RNF38: variants seen among roughly 807,000 people sequenced by gnomAD.
RNF38 encodes the protein ring finger protein 38, also known as E3 ubiquitin-protein ligase RNF38.
A neutral mutation model predicts 67.2 loss-of-function variants in RNF38; 15 were observed. The observed-to-expected ratio is 0.22, with a 90% CI of 0.15 to 0.34. The LOEUF is 0.34. Among genes scored for constraint, RNF38 ranks in the 10% least tolerant of loss-of-function variants. RNF38 has a pLI of 1.00. For synonymous variants in RNF38, 220 were observed against 218.8 expected, an observed-to-expected ratio of 1.01 and a Z score of -0.05; for missense variants, 524 against 639.9, an observed-to-expected ratio of 0.82 and a Z score of 1.95.
At chr9:36,434,070 T>C (rs997752314) in intron 1 of RNF38, among the ~76,000 whole-genome samples, 3 of 151,298 alleles carry the variant, frequency 2.0e-5, no homozygotes, top group Non-Finnish European at 4.4e-5. Context: ...ACCCCATCTC[T>C]ACTAAAAATA....
chr9:36,365,814 C>T (rs1459208954), intron 4 of RNF38, among the ~76,000 whole-genome samples: 2 of 151,420 alleles, frequency 1.3e-5, no homozygotes, highest in East Asian at 2.0e-4. Context: ...TACAGGTGCG[C>T]GCCACCATGC....
chr9:36,340,773 C>G (rs1250967924), intron 11 of RNF38, among the ~76,000 whole-genome samples: 1 of 152,214 alleles, frequency 6.6e-6, no homozygotes, highest in African/African-American at 2.4e-5. Context: ...GATAGCTCTA[C>G]TTACTCACCT....
chr9:36,453,011 T>TA (rs1839494834), intron 1 of RNF38, among the ~76,000 whole-genome samples: 2 of 152,154 alleles, frequency 1.3e-5, no homozygotes, highest in Admixed American at 1.3e-4. Context: ...TTACGTTGGG[T>TA]ATCTAGGAGT....
At chr9:36,437,025 A>G (rs1449925007) in intron 1 of RNF38, among the ~76,000 whole-genome samples, 1 of 152,102 alleles carries the variant, frequency 6.6e-6, no homozygotes, top group Non-Finnish European at 1.5e-5. Context: ...AGCTATTCCT[A>G]TGCAGATAAA....
chr9:36,416,518 C>T (rs2134216631), intron 2 of RNF38, among the ~76,000 whole-genome samples: 1 of 152,244 alleles, frequency 6.6e-6, no homozygotes, highest in South Asian at 2.1e-4. Context: ...AACTTCTGTG[C>T]CAGTATCTGC....
At chr9:36,476,838 C>T (rs902812092) in intron 1 of RNF38, among the ~76,000 whole-genome samples, 6 of 151,874 alleles carry the variant, frequency 4.0e-5, no homozygotes, top group African/African-American at 9.7e-5. Context: ...ATTATGCTGG[C>T]GGGTAAGAAT....
At chr9:36,474,879 C>T (rs942331985) in intron 1 of RNF38, among the ~76,000 whole-genome samples, 2 of 148,058 alleles carry the variant, frequency 1.4e-5, no homozygotes, top group Admixed American at 6.8e-5. Context: ...CGGTGCCTCA[C>T]GCCTGTAATC....
At chr9:36,362,361 G>T (rs989521618) in intron 4 of RNF38, among the ~76,000 whole-genome samples, 1 of 151,874 alleles carries the variant, frequency 6.6e-6, no homozygotes, top group Admixed American at 6.6e-5. Context: ...TCCGTCTCGG[G>T]GGAGGGGGGA....
intron 4 of RNF38, among the ~76,000 whole-genome samples, chr9:36,361,375 G>T (rs966545287): frequency 2.0e-5 from 3 of 150,618 alleles, no homozygotes; most frequent in African/African-American, 7.4e-5. Context: ...GTGTTAGCCA[G>T]GATGGTCTCG....
intron 1 of RNF38, among the ~76,000 whole-genome samples, chr9:36,398,891 A>G (rs188242275): frequency 1.1e-4 from 16 of 152,338 alleles, no homozygotes; most frequent in African/African-American, 3.8e-4. Context: ...CAAGTACCTA[A>G]TCATTTCAGA....
chr9:36,486,759 C>G (rs1840422884), intron 1 of RNF38, among the ~76,000 whole-genome samples: 1 of 152,118 alleles, frequency 6.6e-6, no homozygotes, highest in Non-Finnish European at 1.5e-5. Context: ...AGGGCACCAC[C>G]AAGCTCCCAA....
chr9:36,413,282 T>G lies in RNF38; in HGVS notation n.312+11331A>C, dbSNP rs148579127. ...ATCTCCCCACAACTCTCTCTTTCCC[T>G]CTATCACCATGTGATATCGCCTCCT... is the stretch of plus-strand genomic sequence containing the variant. On this transcript the variant is annotated intron_variant and non_coding_transcript_variant, in intron 2 of 3. Coordinates refer to the RNF38 transcript ENST00000488058. Among the ~76,000 whole-genome samples the G allele has an allele frequency of 2.7e-3, 414 of 151,516 alleles. 2 individuals are homozygous for G. Among genetic ancestry groups the G allele is most frequent in the African/African-American group, 8.8e-3 (362 of 41,336 alleles).
intron 1 of RNF38, among the ~76,000 whole-genome samples, chr9:36,469,837 G>A (rs1277756943): frequency 1.3e-5 from 2 of 152,066 alleles, no homozygotes; most frequent in African/African-American, 4.8e-5. Context: ...AATTAGCCGG[G>A]AGTAGTGGCA....
At chr9:36,448,681 A>G (rs1839363707) in intron 1 of RNF38, among the ~76,000 whole-genome samples, 1 of 152,068 alleles carries the variant, frequency 6.6e-6, no homozygotes, top group Non-Finnish European at 1.5e-5. Flanking sequence ...ACCCCCAGAT[A>G]AGTTCTAAAT....
Position 36,437,049 on chromosome 9 carries a change from A to G in RNF38, n.242-12366T>C, listed in dbSNP as rs916459019. On this transcript the variant is annotated intron_variant and non_coding_transcript_variant, in intron 1 of 3. Coordinates refer to the RNF38 transcript ENST00000488058. ...TATGCAGATAAACATTTGAGGAGGC[A>G]AATAGGATATGATGAGTGGCTGCTT... 2.0e-5 allele frequency among the ~76,000 whole-genome samples: 3 copies of G among 152,132 alleles called. No homozygotes were observed. The South Asian group carries it at 6.2e-4, about 32-fold the overall frequency.
intron 1 of RNF38, among the ~76,000 whole-genome samples, chr9:36,396,450 A>T (rs1206744523): frequency 6.6e-6 from 1 of 152,138 alleles, no homozygotes; most frequent in African/African-American, 2.4e-5. Flanking sequence ...ACTAGACCTA[A>T]ATGTCACCTT....
chr9:36,467,532 T>G (rs2134399808), intron 1 of RNF38, among the ~76,000 whole-genome samples: 2 of 151,794 alleles, frequency 1.3e-5, no homozygotes, highest in East Asian at 2.0e-4. Context: ...AATAAGGAGG[T>G]CAGATTATGA....
chr9:36,361,279 G>A (rs1045864132), intron 4 of RNF38, among the ~76,000 whole-genome samples: 1 of 151,896 alleles, frequency 6.6e-6, no homozygotes, highest in African/African-American at 2.4e-5. Context: ...AGCCTCCCGA[G>A]TACCTGGGAC....
At chr9:36,486,964 G>GC (rs1348913739) in intron 1 of RNF38, among the ~76,000 whole-genome samples, 1 of 151,830 alleles carries the variant, frequency 6.6e-6, no homozygotes, top group Non-Finnish European at 1.5e-5. Flanking sequence ...GCCCAGGGTG[G>GC]CCCTGGGTCC....
Sources: gnomAD v4.1 joint callset for allele counts (sites outside exome capture counted in the v4.1 genomes callset) on GRCh38, gnomAD v4.1.1 for gene constraint, MANE v1.5 for transcripts, NCBI Gene and HGNC (gene_info 2026-07-23, HGNC 2026-07-21) for gene names.